The following MPP7 variants were observed in gnomAD, a reference collection of about 807,000 sequenced individuals.
The protein encoded by MPP7 is MAGUK p55 subfamily member 7.
MPP7 carries 60 observed loss-of-function variants against 76.5 expected under a neutral mutation model. That is an observed-to-expected ratio of 0.78 (90% CI 0.64 to 0.97). MPP7 has a LOEUF of 0.97. Among genes scored for constraint, MPP7 ranks in the 50% least tolerant of loss-of-function variants. The pLI is 0.00. For missense variants in MPP7, 641 were observed against 694.0 expected (o/e 0.92, Z 0.86); for synonymous variants, 237 against 244.5 (o/e 0.97, Z 0.29).
intron 9 of MPP7, 28 bp downstream of exon 9, chr10:28,120,566 C>G (rs370666125): frequency 1.0e-5 from 16 of 1,599,782 alleles, no homozygotes; most frequent in Non-Finnish European, 1.3e-5. Flanking sequence ...CTCCCACGCA[C>G]GAAGAAATGT....
intron 1 of MPP7, among the ~76,000 whole-genome samples, chr10:28,294,052 A>T (rs1840984051): frequency 6.6e-6 from 1 of 152,218 alleles, no homozygotes; most frequent in Admixed American, 6.5e-5. Flanking sequence ...TCACGCCTGT[A>T]ATACCAGCAC....
chr10:28,109,388 A>G (rs1332684098), intron 11 of MPP7, among the ~76,000 whole-genome samples: 1 of 152,204 alleles, frequency 6.6e-6, no homozygotes, highest in Non-Finnish European at 1.5e-5. Flanking sequence ...TAATTAGAAA[A>G]GTCCAGATGC....
intron 5 of MPP7, among the ~76,000 whole-genome samples, chr10:28,141,165 A>G (rs1211619569): frequency 6.6e-6 from 1 of 152,122 alleles, no homozygotes; most frequent in Non-Finnish European, 1.5e-5. Context: ...TAAGTACCAT[A>G]AAGTCACTTG....
intron 7 of MPP7, 41 bp from the exon 8 acceptor site, chr10:28,124,157 C>T: frequency 7.7e-7 from 1 of 1,299,712 alleles, no homozygotes; most frequent in Non-Finnish European, 1.1e-6. Flanking sequence ...GTGTTACCCA[C>T]AACCAAAACT....
intron 3 of MPP7, among the ~76,000 whole-genome samples, chr10:28,190,998 TG>T (rs1371690407): frequency 1.3e-5 from 2 of 152,164 alleles, no homozygotes; most frequent in African/African-American, 4.8e-5. Context: ...AGAATTGTGA[TG>T]AACAATTCTA....
intron 5 of MPP7, among the ~76,000 whole-genome samples, chr10:28,139,340 G>A (rs993872002): frequency 2.6e-5 from 4 of 152,134 alleles, no homozygotes; most frequent in African/African-American, 9.7e-5. Flanking sequence ...TCTGGGCAGC[G>A]GACATAGTTG....
chr10:28,308,428 T>A (rs560306512), intron 2 of MPP7, among the ~76,000 whole-genome samples: 11 of 152,282 alleles, frequency 7.2e-5, no homozygotes, highest in Middle Eastern at 3.4e-3. Flanking sequence ...AGGAGAAAGG[T>A]CTCAAAGAAG....
At chr10:28,177,555 C>T (rs1347619272) in intron 3 of MPP7, among the ~76,000 whole-genome samples, 1 of 152,022 alleles carries the variant, frequency 6.6e-6, no homozygotes, top group Admixed American at 6.6e-5. Context: ...TTGTTCTGTA[C>T]AATGATAAGA....
At chr10:28,258,963 C>G (rs1839869854) in intron 1 of MPP7, among the ~76,000 whole-genome samples, 1 of 152,076 alleles carries the variant, frequency 6.6e-6, no homozygotes, top group African/African-American at 2.4e-5. Flanking sequence ...AAAGAAAGAG[C>G]CTTTGTGTAA....
At chr10:28,192,318 G>C (rs1837438161) in intron 3 of MPP7, among the ~76,000 whole-genome samples, 1 of 152,132 alleles carries the variant, frequency 6.6e-6, no homozygotes, top group Non-Finnish European at 1.5e-5. Context: ...TATACAGATT[G>C]AGAACAAATA....
chr10:28,239,733 T>C (rs1839203625), intron 1 of MPP7, among the ~76,000 whole-genome samples: 1 of 152,230 alleles, frequency 6.6e-6, no homozygotes, highest in Admixed American at 6.5e-5. Context: ...AAAGGCAGTA[T>C]AGCATAGTAG....
chr10:28,328,726 G>A (rs577755335), intron 2 of MPP7, among the ~76,000 whole-genome samples: 99 of 152,094 alleles, frequency 6.5e-4, no homozygotes, highest in Non-Finnish European at 1.2e-3. Context: ...TATTTGCAGC[G>A]TTTACATTTT....
At chr10:28,264,448 T>C (rs1455319822) in intron 1 of MPP7, among the ~76,000 whole-genome samples, 4 of 152,066 alleles carry the variant, frequency 2.6e-5, no homozygotes, top group African/African-American at 9.7e-5. Context: ...GATGGGGCGC[T>C]GGTGGACCAG....
At chr10:28,291,187 T>C (rs1241849564) in intron 1 of MPP7, among the ~76,000 whole-genome samples, 2 of 152,148 alleles carry the variant, frequency 1.3e-5, no homozygotes, top group African/African-American at 2.4e-5. Flanking sequence ...CATGCAATAA[T>C]GTAAAGAAAA....
intron 2 of MPP7, among the ~76,000 whole-genome samples, chr10:28,205,204 C>A (rs919850872): frequency 6.6e-6 from 1 of 152,118 alleles, no homozygotes; most frequent in African/African-American, 2.4e-5. Flanking sequence ...AGCCACCAGG[C>A]CAGAGCCGTG....
intron 11 of MPP7, among the ~76,000 whole-genome samples, chr10:28,117,144 A>C (rs1402949007): frequency 1.3e-5 from 2 of 152,154 alleles, no homozygotes; most frequent in Non-Finnish European, 2.9e-5. Flanking sequence ...ATGAAATAAA[A>C]AGCAAAATAA....
intron 1 of MPP7, among the ~76,000 whole-genome samples, chr10:28,239,033 G>A (rs1756753005): frequency 6.6e-6 from 1 of 152,182 alleles, no homozygotes; most frequent in Non-Finnish European, 1.5e-5. Flanking sequence ...GCTTCTGTAA[G>A]TCAATGTCAT....
chr10:28,057,653 C>G, intron 15 of MPP7: 1 of 193,372 alleles, frequency 5.2e-6, no homozygotes, highest in Non-Finnish European at 8.1e-6. Flanking sequence ...TACCCAGTTT[C>G]AGGTATTTCT....
chr10:28,122,324 C>T (rs1051969135), intron 8 of MPP7, among the ~76,000 whole-genome samples: 3 of 152,114 alleles, frequency 2.0e-5, no homozygotes, highest in African/African-American at 7.2e-5. Context: ...TCACAATAAT[C>T]TAGCATATGG....
Sources: gnomAD v4.1 joint callset for allele counts (sites outside exome capture counted in the v4.1 genomes callset) on GRCh38, gnomAD v4.1.1 for gene constraint, MANE v1.5 for transcripts, NCBI Gene and HGNC (gene_info 2026-07-23, HGNC 2026-07-21) for gene names.